PCDHGB1: variants seen among roughly 807,000 people sequenced by gnomAD.
PCDHGB1 encodes the protein protocadherin gamma subfamily B, 1, also known as protocadherin gamma-B1.
In PCDHGB1, 34 loss-of-function variants were observed where a neutral mutation model predicts 56.6. The observed-to-expected ratio is 0.60, with a 90% CI of 0.46 to 0.80. The LOEUF (loss-of-function observed/expected upper bound fraction) is 0.80. PCDHGB1 is among the 30% of genes least tolerant of loss of function. PCDHGB1 has a pLI of 0.00. For synonymous variants in PCDHGB1, 561 were observed against 505.9 expected, an observed-to-expected ratio of 1.11 and a Z score of -1.46; for missense variants, 1,278 against 1,204.6, an observed-to-expected ratio of 1.06 and a Z score of -0.90.
chr5:141,401,235 A>G (rs1444346000), intron 1 of PCDHGB1, among the ~76,000 whole-genome samples: 1 of 152,120 alleles, frequency 6.6e-6, no homozygotes, highest in East Asian at 1.9e-4. Context: ...CCAGCTACTC[A>G]GGAGGCTAAG....
rs544861406 is a variant in PCDHGB1, at chr5:141,356,918, C to G, written c.2409+4249C>G. 6.6e-5 allele frequency: 107 copies of G among 1,614,210 alleles called. 2 individuals are homozygous for G. The Admixed American group carries it at 1.4e-3, about 21-fold the overall frequency. On this transcript the variant is annotated intron_variant, in intron 1 of 3. Transcript: ENST00000523390. ...CCCACCTTCCCTACTGATGGCTCCA[C>G]TGGTGTGGAGCTGGCACCCCGCTCC...
chr5:141,404,080 C>G (rs369802030), intron 1 of PCDHGB1: 1 of 1,613,516 alleles, frequency 6.2e-7, no homozygotes, highest in Non-Finnish European at 8.5e-7. Flanking sequence ...ACCGAGACTC[C>G]GGGAAGAATG....
In PCDHGB1 at chr5:141,491,942, C is replaced by A; in HGVS notation, c.2410-2865C>A. The A allele has an allele frequency of 8.9e-7, 1 of 1,122,490 alleles. No individual in the cohort carries two copies. The highest frequency in any genetic ancestry group is 1.2e-6 in the Non-Finnish European group (1 of 824,374). 69.5% of individuals were successfully genotyped at this position (1,122,490 alleles called of 1,614,324 possible). The stretch of plus-strand genomic sequence containing the variant: ...GGCGAGGGGAGGTGGGACCGACCCC[C>A]ACCCCTACACTCAAAAAAGGCCGGG... On this transcript the variant is annotated intron_variant, in intron 1 of 3. Transcript: ENST00000523390. The surrounding 1 kb of genome is among the most constrained non-coding windows in gnomAD (Gnocchi z 6.9).
chr5:141,362,286 C>G (rs747463615), intron 1 of PCDHGB1: 2 of 1,614,082 alleles, frequency 1.2e-6, no homozygotes, highest in Non-Finnish European at 1.7e-6. Context: ...GCCTGCGACT[C>G]TCTTCCAGGT....
At chr5:141,420,175 T>C (rs901184536) in intron 1 of PCDHGB1, 6 of 1,614,004 alleles carry the variant, frequency 3.7e-6, no homozygotes, top group Non-Finnish European at 5.1e-6. Context: ...CATCTGTTGA[T>C]CATTGTCCAG....
chr5:141,474,412 C>T (rs1282336092), intron 1 of PCDHGB1, among the ~76,000 whole-genome samples: 2 of 152,220 alleles, frequency 1.3e-5, no homozygotes, highest in African/African-American at 2.4e-5. Context: ...CCGGTGATGC[C>T]TAGACCATTG....
intron 1 of PCDHGB1, among the ~76,000 whole-genome samples, chr5:141,463,999 C>A (rs1261262637): frequency 1.3e-5 from 2 of 152,056 alleles, no homozygotes; most frequent in African/African-American, 4.8e-5. Flanking sequence ...GGTGCAGTGG[C>A]TCATGCTTGT....
At position 141,431,871 on chromosome 5, in the gene PCDHGB1, T is replaced by C; in HGVS notation, c.2410-62936T>C. The C allele has an allele frequency of 1.9e-6, 3 of 1,614,234 alleles. No homozygotes were observed. The highest frequency in any genetic ancestry group is 2.5e-6 in the Non-Finnish European group (3 of 1,180,032). The stretch of plus-strand genomic sequence containing the variant: ...GGGACATTAATTGCCCTTTTAAATG[T>C]AAATGACCAAGATTCTGAGGAAAAC... On this transcript the variant is annotated intron_variant, in intron 1 of 3. Coordinates refer to ENST00000523390, the MANE Select transcript of PCDHGB1 (RefSeq NM_018922.3). The surrounding 1 kb of genome is among the most constrained non-coding windows in gnomAD (Gnocchi z 4.8).
intron 1 of PCDHGB1, among the ~76,000 whole-genome samples, chr5:141,430,357 T>C (rs1258305414): frequency 1.3e-5 from 2 of 149,904 alleles, no homozygotes; most frequent in Non-Finnish European, 3.0e-5. Context: ...ATTTAAAAGC[T>C]CATTGGGGAA....
chr5:141,366,157 T>G, intron 1 of PCDHGB1: 1 of 1,614,080 alleles, frequency 6.2e-7, no homozygotes, highest in Non-Finnish European at 8.5e-7. Flanking sequence ...ACCGCCTGCT[T>G]AAGGCCAGCG....
At position 141,350,650 on chromosome 5, in the gene PCDHGB1, C is replaced by T. The variant is rs374865865; in HGVS notation, c.390C>T (p.Phe130=). 1.9e-6 allele frequency: 3 copies of T among 1,614,020 alleles called. No individual in the cohort carries two copies. The highest frequency in any genetic ancestry group is 2.5e-6 in the Non-Finnish European group (3 of 1,179,898). The part of the protein sequence containing the change: ...IQDINDNAPR[F]VAKGIDLEIC... The stretch of plus-strand genomic sequence containing the variant: ...ATATTAATGACAATGCACCACGTTT[C>T]GTTGCAAAAGGCATTGACTTAGAAA... Residue 130 remains phenylalanine, a synonymous_variant, in exon 1 of 4, where the codon TTC becomes TTT. Coordinates refer to ENST00000523390, the MANE Select transcript of PCDHGB1 (RefSeq NM_018922.3).
Position 141,431,704 on chromosome 5 carries a change from C to T in PCDHGB1, c.2410-63103C>T. On this transcript the variant is annotated intron_variant, in intron 1 of 3. Transcript: ENST00000523390. The surrounding 1 kb of genome is among the most constrained non-coding windows in gnomAD (Gnocchi z 4.8). ...TGGACCACGAGGAGTCAGGATTCTA[C>T]CAGATGGAAGTGCAAGCAATGGATA... 1 of 1,614,194 alleles carries T rather than the reference C, an allele frequency of 6.2e-7. No homozygotes were observed. The highest frequency in any genetic ancestry group is 8.5e-7 in the Non-Finnish European group (1 of 1,180,036).
At chr5:141,405,543 C>T (rs1027086926) in intron 1 of PCDHGB1, 27 of 634,834 alleles carry the variant, frequency 4.3e-5, no homozygotes, top group Non-Finnish European at 7.1e-5. Flanking sequence ...CCTCAGCCTC[C>T]CAAGTAGAGT....
intron 1 of PCDHGB1, among the ~76,000 whole-genome samples, chr5:141,437,499 CA>C (rs2097890101): frequency 6.6e-6 from 1 of 152,076 alleles, no homozygotes; most frequent in African/African-American, 2.4e-5. Context: ...GATCACTTTT[CA>C]ATGAATTATA....
At chr5:141,492,461 G>A (rs1218833302) in intron 1 of PCDHGB1, among the ~76,000 whole-genome samples, 1 of 152,212 alleles carries the variant, frequency 6.6e-6, no homozygotes, top group East Asian at 1.9e-4. Flanking sequence ...CGCGCCTGAG[G>A]GTCCCAGATC....
intron 1 of PCDHGB1, chr5:141,394,510 C>T (rs371348730): frequency 2.5e-6 from 4 of 1,614,098 alleles, no homozygotes; most frequent in Non-Finnish European, 3.4e-6. Flanking sequence ...CTGTACCCCG[C>T]CCTCCCCACA....
In PCDHGB1 at chr5:141,374,228, G is replaced by A. The variant is rs776875063; in HGVS notation, c.2409+21559G>A. On this transcript the variant is annotated intron_variant, in intron 1 of 3. Coordinates refer to ENST00000523390, the MANE Select transcript of PCDHGB1 (RefSeq NM_018922.3). ...GAAAGGCTCCTTCGTAGGCAACATC[G>A]TCAAGGATCTGGGACTGGAGCCCCA... The A allele has an allele frequency of 3.1e-6, 5 of 1,613,988 alleles. No homozygotes were observed. In the South Asian group the frequency reaches 3.3e-5, roughly 11 times the overall value.
intron 1 of PCDHGB1, chr5:141,414,399 GGTGATAC>G (rs1297009673): frequency 6.2e-7 from 1 of 1,613,846 alleles, no homozygotes; most frequent in South Asian, 1.1e-5. Flanking sequence ...ATTACAGATT[GGTGATAC>G]ACAGAGCCCT....
intron 3 of PCDHGB1, among the ~76,000 whole-genome samples, chr5:141,505,999 G>A (rs891447053): frequency 1.3e-5 from 2 of 152,172 alleles, no homozygotes; most frequent in African/African-American, 4.8e-5. Flanking sequence ...TTTATGCGAG[G>A]CTCCTCTTTT....
Sources: allele counts gnomAD v4.1 joint callset (sites outside exome capture counted in the v4.1 genomes callset), GRCh38; gene constraint gnomAD v4.1.1; non-coding constraint Gnocchi (gnomAD v3.1); transcripts MANE v1.5; gene names NCBI Gene and HGNC (gene_info 2026-07-23, HGNC 2026-07-21).